The following SH3BP5 variants were observed in gnomAD, a reference collection of about 807,000 sequenced individuals.
SH3BP5 encodes the protein SH3 domain binding protein 5.
Under a neutral mutation model 43.3 loss-of-function variants are expected in SH3BP5, and 22 were observed. The observed-to-expected ratio is 0.51, with a 90% CI of 0.36 to 0.73. The LOEUF (loss-of-function observed/expected upper bound fraction) is 0.73. Among genes scored for constraint, SH3BP5 ranks in the 30% least tolerant of loss-of-function variants. The pLI, the probability that SH3BP5 is intolerant of heterozygous loss-of-function variation, is 0.00. For missense variants in SH3BP5, 529 were observed against 586.9 expected (o/e 0.90, Z 1.02); for synonymous variants, 255 against 225.8 (o/e 1.13, Z -1.16).
chr3:15,262,173 G>A lies in SH3BP5; in HGVS notation c.612C>T (p.Ala204=), dbSNP rs1299189863. 1.2e-6 allele frequency: 2 copies of A among 1,613,980 alleles called. No homozygotes were observed. Among genetic ancestry groups the A allele is most frequent in the East Asian group, 2.2e-5 (1 of 44,890 alleles). ...MRQLEKKLKR[A]INKSKPYFEL... is the part of the protein sequence containing the mutation. ...TCCAGACTTACTTGGACTTGTTGAT[G>A]GCTCTCTTGAGTTTCTTCTCCAGCT... The change falls in exon 5 of 9, where the codon GCC becomes GCT. Residue 204 remains alanine, a synonymous_variant. Coordinates refer to ENST00000383791, the MANE Select transcript of SH3BP5 (RefSeq NM_004844.5).
In SH3BP5 at chr3:15,332,575, G is replaced by C; in HGVS notation, c.-167C>G. On this transcript the variant is annotated 5_prime_UTR_variant, in exon 1 of 9. Coordinates refer to ENST00000383791, the MANE Select transcript of SH3BP5 (RefSeq NM_004844.5). The stretch of plus-strand genomic sequence containing the variant: ...CGCCGATGCGGATACCTCCGGCCGC[G>C]GCGGAGCAGAGGAAATGGGCGCGGC... The C allele has an allele frequency of 8.2e-7, 1 of 1,222,978 alleles. No homozygotes were observed. The highest frequency in any genetic ancestry group is 3.6e-5 in the South Asian group (1 of 27,846). 75.8% of individuals were successfully genotyped at this position (1,222,978 alleles called of 1,614,324 possible). A position where few individuals can be genotyped will look rare whatever the true frequency, so the allele number is the denominator to read the frequency against.
rs1233689820 is a variant in SH3BP5, at chr3:15,276,075, T to TCCC, written c.331-6199_331-6198insGGG. 3.4e-5 allele frequency: 5 copies of TCCC among 148,700 alleles called. No homozygotes were observed. In the East Asian group the frequency reaches 9.9e-4, roughly 29 times the overall value. The allele number at this position is 148,700 out of a possible 1,614,324, so 9.2% of individuals were successfully genotyped here. ...ATAAATGAATGTGATGTGACCTTCATTAGACACTGTGACTATGAAGCCCTT... is the reference window on the plus strand; with the variant it reads ...ATAAATGAATGTGATGTGACCTTCATCCCTAGACACTGTGACTATGAAGCCCTT... On this transcript the variant is annotated intron_variant, in intron 3 of 8. Transcript: ENST00000383791.
chr3:15,258,482 T>C lies in SH3BP5; in HGVS notation c.889+349A>G, dbSNP rs1696307124. The C allele has an allele frequency of 9.9e-6, 3 of 303,284 alleles. No individual in the cohort carries two copies. The East Asian group carries it at 2.5e-4, about 25-fold the overall frequency. 18.8% of individuals were successfully genotyped at this position (303,284 alleles called of 1,614,324 possible). On this transcript the variant is annotated intron_variant, in intron 7 of 8. Transcript: ENST00000383791. ...CAAAGTTAGGCCCTTGCCCACATCA[T>C]GCCTTAGTAATGATGTAAAGGTAGC... is the stretch of plus-strand genomic sequence containing the variant.
chr3:15,337,937 A>AG (rs1451200648), intron 1 of SH3BP5, among the ~76,000 whole-genome samples: 15 of 150,490 alleles, frequency 1.0e-4, no homozygotes, highest in Admixed American at 4.6e-4. Flanking sequence ...AAAAAAAAAA[A>AG]GTGCCCCAAA....
chr3:15,291,943 C>T lies in SH3BP5; in HGVS notation c.330+12160G>A, dbSNP rs562278051. 1.9e-4 allele frequency among the ~76,000 whole-genome samples: 29 copies of T among 152,286 alleles called. No homozygotes were observed. The South Asian group carries it at 5.6e-3, about 29-fold the overall frequency. ...GAAAAGAAAGGAAGGAAAGCAGGGG[C>T]ATCCTCTGAGTCAGGAAAGGAACAG... On this transcript the variant is annotated intron_variant, in intron 3 of 8. Coordinates refer to ENST00000383791, the MANE Select transcript of SH3BP5 (RefSeq NM_004844.5).
At chr3:15,287,595 G>C (rs1366438543) in intron 3 of SH3BP5, among the ~76,000 whole-genome samples, 1 of 152,178 alleles carries the variant, frequency 6.6e-6, no homozygotes, top group African/African-American at 2.4e-5. Context: ...GTGAATCAAT[G>C]AATTTTTGGT....
At chr3:15,267,924 G>C (rs1003634414) in intron 4 of SH3BP5, among the ~76,000 whole-genome samples, 1 of 152,192 alleles carries the variant, frequency 6.6e-6, no homozygotes, top group African/African-American at 2.4e-5. Context: ...AGCTGGGGTG[G>C]AAGAAGGGCA....
In SH3BP5 at chr3:15,269,689, A is replaced by G. The variant is rs1462318867; in HGVS notation, c.495+24T>C. 4 of 1,544,276 alleles carry G rather than the reference A, an allele frequency of 2.6e-6. No individual in the cohort carries two copies. The East Asian group carries it at 6.9e-5, about 27-fold the overall frequency. On this transcript the variant is annotated intron_variant, in intron 4 of 8. Transcript: ENST00000383791. The stretch of plus-strand genomic sequence containing the variant: ...CGCGCATGCACGCGCACACCCCCAC[A>G]GCACACCCGGCCATGACTCATACCC...
At chr3:15,305,359 C>A (rs1017043452) in intron 2 of SH3BP5, among the ~76,000 whole-genome samples, 1 of 152,206 alleles carries the variant, frequency 6.6e-6, no homozygotes, top group Admixed American at 6.5e-5. Context: ...ATGTTAAACA[C>A]TGAGTGCAAA....
chr3:15,339,875 G>A (rs891382287), intron 1 of SH3BP5: 17 of 151,358 alleles, frequency 1.1e-4, no homozygotes, highest in African/African-American at 3.4e-4. Flanking sequence ...AAAAGAAGAA[G>A]AAAGATCCTA....
chr3:15,339,653 T>C (rs1296877431), intron 1 of SH3BP5: 1 of 152,114 alleles, frequency 6.6e-6, no homozygotes, highest in African/African-American at 2.4e-5. Flanking sequence ...GAGGTTGCAG[T>C]GAGCCAAGAC....
rs146928901 is a variant in SH3BP5 at position 15,313,176 on chromosome 3, G to A, written c.202-8945C>T. ...CTTGTGAGGCTGAAGCAGGAGAATC[G>A]TTTGAACCTGGGAGGCAGAGGTTGC... On this transcript the variant is annotated intron_variant, in intron 2 of 8. Transcript: ENST00000383791. 5.2e-3 allele frequency among the ~76,000 whole-genome samples: 789 copies of A among 152,338 alleles called. 8 individuals carry two copies. Among genetic ancestry groups the A allele is most frequent in the Non-Finnish European group, 6.8e-3 (462 of 68,030 alleles).
intron 2 of SH3BP5, among the ~76,000 whole-genome samples, chr3:15,316,730 G>GA (rs5846865): frequency 0.47 from 68,824 of 147,018 alleles, 17,049 homozygotes; most frequent in African/African-American, 0.65. Flanking sequence ...CTATGAAATG[G>GA]AAAAAAAAAA....
chr3:15,256,750 C>T, intron 8 of SH3BP5, 103 bp downstream of exon 8: 1 of 1,318,026 alleles, frequency 7.6e-7, no homozygotes, highest in South Asian at 1.5e-5. Context: ...CCTGGTAATG[C>T]AGCATGGGGG....
At position 15,278,581 on chromosome 3, in the gene SH3BP5, G is replaced by A. The variant is rs988311376; in HGVS notation, c.331-8704C>T. On this transcript the variant is annotated intron_variant, in intron 3 of 8. Coordinates refer to ENST00000383791, the MANE Select transcript of SH3BP5 (RefSeq NM_004844.5). ...ATAGCACCGTTTCACCCCTGAGGATGTCTGGCATATATTTTAATCCAAATT... is the reference window on the plus strand; with the variant it reads ...ATAGCACCGTTTCACCCCTGAGGATATCTGGCATATATTTTAATCCAAATT... Among the ~76,000 whole-genome samples the A allele has an allele frequency of 5.3e-5, 8 of 152,320 alleles. No individual in the cohort carries two copies. The South Asian group carries it at 8.3e-4, about 16-fold the overall frequency.
At chr3:15,257,363 G>A (rs1696250139) in intron 7 of SH3BP5, 1 of 447,016 alleles carries the variant, frequency 2.2e-6, no homozygotes, top group Non-Finnish European at 4.0e-6. Context: ...ACCCTGCCAA[G>A]AAATCAGTGT....
intron 3 of SH3BP5, among the ~76,000 whole-genome samples, chr3:15,273,866 T>C (rs1041168675): frequency 5.3e-5 from 8 of 152,202 alleles, no homozygotes; most frequent in African/African-American, 1.7e-4. Context: ...AATTTACATA[T>C]TGAAGCCCTA....
intron 2 of SH3BP5, among the ~76,000 whole-genome samples, chr3:15,328,363 A>T (rs1698516766): frequency 6.6e-6 from 1 of 151,910 alleles, no homozygotes; most frequent in African/African-American, 2.4e-5. Context: ...CTTGTTCATT[A>T]CCCAGAACAG....
Position 15,256,011 on chromosome 3 carries a change from A to C in SH3BP5, c.*75T>G. The C allele has an allele frequency of 8.1e-7, 1 of 1,230,990 alleles. No homozygotes were observed. The highest frequency in any genetic ancestry group is 1.2e-6 in the Non-Finnish European group (1 of 857,458). The allele number at this position is 1,230,990 out of a possible 1,614,324, so 76.3% of individuals were successfully genotyped here. On this transcript the variant is annotated 3_prime_UTR_variant, in exon 9 of 9. Transcript: ENST00000383791. ...GACGTGTAAGATTTGGCATATATTA[A>C]ATGATTATTGGCACAATGTTCTCCA...
Sources: allele counts gnomAD v4.1 joint callset (sites outside exome capture counted in the v4.1 genomes callset), GRCh38; gene constraint gnomAD v4.1.1; transcripts MANE v1.5; gene names NCBI Gene and HGNC (gene_info 2026-07-23, HGNC 2026-07-21).